Variants in CEP63 observed in about 807,000 individuals in gnomAD.
CEP63 encodes the protein centrosomal protein 63.
Under a neutral mutation model 89.1 loss-of-function variants are expected in CEP63, and 84 were observed. The observed-to-expected ratio is 0.94, with a 90% confidence interval of 0.79 to 1.13. The LOEUF (loss-of-function observed/expected upper bound fraction) is 1.13. CEP63 is among the 50% of genes most tolerant of loss of function. CEP63 has a pLI of 0.00. For missense variants in CEP63, 838 were observed against 813.3 expected (o/e 1.03, Z -0.37); for synonymous variants, 267 against 272.5 (o/e 0.98, Z 0.20).
At chr3:134,640,291 G>C in the CEP63 span, among the ~76,000 whole-genome samples, 1 of 152,140 alleles carries the variant, frequency 6.6e-6, no homozygotes, top group South Asian at 2.1e-4. Flanking sequence ...GAGACAGTAT[G>C]GGGGAGTAGT....
At chr3:134,577,349 T>C (rs1958240067), downstream of CEP63, among the ~76,000 whole-genome samples, 1 of 152,004 alleles carries the variant, frequency 6.6e-6, no homozygotes, top group African/African-American at 2.4e-5. Context: ...ATTTAACAAA[T>C]GTCAACATTT....
intron 14 of CEP63, 28 bp downstream of exon 14, chr3:134,559,457 T>G (rs1444310042): frequency 6.3e-7 from 1 of 1,594,714 alleles, no homozygotes; most frequent in African/African-American, 1.3e-5. Context: ...TCTTAGTAAT[T>G]TGTTAGTTTT....
chr3:134,632,851 G>A, the CEP63 span, among the ~76,000 whole-genome samples: 3 of 151,856 alleles, frequency 2.0e-5, no homozygotes, highest in Non-Finnish European at 4.4e-5. Flanking sequence ...TGAACTTCTA[G>A]CTAGAATGAC....
At chr3:134,609,673 C>T in the CEP63 span, among the ~76,000 whole-genome samples, 1 of 152,174 alleles carries the variant, frequency 6.6e-6, no homozygotes, top group Non-Finnish European at 1.5e-5. Context: ...TGCCCTGCCC[C>T]ACTGTGCCTC....
the CEP63 span, among the ~76,000 whole-genome samples, chr3:134,662,250 C>T: frequency 6.7e-5 from 10 of 149,646 alleles, no homozygotes; most frequent in African/African-American, 2.2e-4. Flanking sequence ...GCTCTCTAGC[C>T]TGGGAGACAG....
the CEP63 span, among the ~76,000 whole-genome samples, chr3:134,617,154 A>C: frequency 2.0e-5 from 3 of 152,220 alleles, no homozygotes; most frequent in African/African-American, 7.2e-5. Context: ...CATTCCTTCT[A>C]CAGTATGCTA....
chr3:134,774,751 C>T, the CEP63 span, among the ~76,000 whole-genome samples: 1 of 152,272 alleles, frequency 6.6e-6, no homozygotes, highest in Non-Finnish European at 1.5e-5. Flanking sequence ...GAGGTCCATG[C>T]ATTGAACTCA....
chr3:134,569,349 A>G (rs1269672059), downstream of CEP63, among the ~76,000 whole-genome samples: 2 of 152,262 alleles, frequency 1.3e-5, no homozygotes, highest in Non-Finnish European at 2.9e-5. Context: ...TGTAAAATCG[A>G]AAGTGAGTTA....
At chr3:134,643,072 C>T in the CEP63 span, among the ~76,000 whole-genome samples, 5 of 152,168 alleles carry the variant, frequency 3.3e-5, no homozygotes, top group Admixed American at 6.5e-5. Context: ...ATGACAGCAG[C>T]GTGCTCTGAG....
At chr3:134,667,078 G>T in the CEP63 span, among the ~76,000 whole-genome samples, 1 of 152,144 alleles carries the variant, frequency 6.6e-6, no homozygotes, top group East Asian at 1.9e-4. Context: ...GGTGTCCGAG[G>T]CTACCAGTGC....
chr3:134,740,492 G>C, the CEP63 span, among the ~76,000 whole-genome samples: 2 of 151,936 alleles, frequency 1.3e-5, no homozygotes, highest in Admixed American at 1.3e-4. Flanking sequence ...AGAGATGGGG[G>C]TTCACCGTGT....
chr3:134,531,296 C>G (rs1302722921), intron 3 of CEP63, among the ~76,000 whole-genome samples: 1 of 152,012 alleles, frequency 6.6e-6, no homozygotes, highest in Non-Finnish European at 1.5e-5. Flanking sequence ...CAGAGAGACA[C>G]AGTTTCGGCC....
At chr3:134,523,509 T>G (rs1427083350) in intron 3 of CEP63, among the ~76,000 whole-genome samples, 1 of 152,182 alleles carries the variant, frequency 6.6e-6, no homozygotes, top group Non-Finnish European at 1.5e-5. Context: ...TTCCAGAGTT[T>G]TTTATAGTTT....
the CEP63 span, among the ~76,000 whole-genome samples, chr3:134,628,398 G>T: frequency 3.3e-5 from 5 of 152,342 alleles, no homozygotes; most frequent in South Asian, 1.0e-3. Context: ...TTTCCCTGCC[G>T]ATCTGGAACC....
the CEP63 span, chr3:134,650,792 G>A: frequency 7.2e-5 from 111 of 1,533,732 alleles, no homozygotes; most frequent in Non-Finnish European, 9.4e-5. Flanking sequence ...AAGGTGCCGG[G>A]GGACCCGGGG....
chr3:134,499,473 T>C (rs1335825532), intron 2 of CEP63, among the ~76,000 whole-genome samples: 2 of 152,204 alleles, frequency 1.3e-5, no homozygotes, highest in Non-Finnish European at 2.9e-5. Flanking sequence ...TTTTGTTTCA[T>C]TGATTCTTTG....
chr3:134,486,121 G>C lies in CEP63; in HGVS notation c.-107G>C. Reference sequence around the variant, plus strand: ...TTGTTTCAATTATTAAAAGTGTGGGGGCAGTGGGCGGAACAAACGCGCCGA... The same window carrying C: ...TTGTTTCAATTATTAAAAGTGTGGGCGCAGTGGGCGGAACAAACGCGCCGA... On this transcript the variant is annotated 5_prime_UTR_variant, in exon 1 of 15. Coordinates refer to ENST00000675561, the MANE Select transcript of CEP63 (RefSeq NM_001353108.3). 1 of 985,590 alleles carries C rather than the reference G, an allele frequency of 1.0e-6. No individual in the cohort carries two copies. The allele number at this position is 985,590 out of a possible 1,614,324, so 61.1% of individuals were successfully genotyped here.
At chr3:134,665,768 A>G in the CEP63 span, among the ~76,000 whole-genome samples, 1 of 151,572 alleles carries the variant, frequency 6.6e-6, no homozygotes, top group Non-Finnish European at 1.5e-5. Context: ...GAGACAGACA[A>G]ACAGACACAG....
At chr3:134,677,820 T>G in the CEP63 span, among the ~76,000 whole-genome samples, 7 of 151,748 alleles carry the variant, frequency 4.6e-5, no homozygotes, top group African/African-American at 1.7e-4. Flanking sequence ...CTGGCAACAT[T>G]CCTCCTCCCT....
Sources: gnomAD v4.1 joint callset for allele counts (sites outside exome capture counted in the v4.1 genomes callset) on GRCh38, gnomAD v4.1.1 for gene constraint, MANE v1.5 for transcripts, NCBI Gene and HGNC (gene_info 2026-07-23, HGNC 2026-07-21) for gene names.